AK5: variants seen among roughly 807,000 people sequenced by gnomAD.
AK5 encodes the protein adenylate kinase 5.
In AK5, 27 loss-of-function variants were observed where a neutral mutation model predicts 69.5. The ratio of observed to expected loss-of-function variants is 0.39; its 90% CI spans 0.29 to 0.54. The LOEUF (loss-of-function observed/expected upper bound fraction) is 0.54, where lower values mean the gene tolerates loss of function less well. Among genes scored for constraint, AK5 ranks in the 20% least tolerant of loss-of-function variants. AK5 has a pLI of 0.71. For synonymous variants in AK5, 260 were observed against 244.4 expected (o/e 1.06, Z -0.60); for missense variants, 531 against 700.4 (o/e 0.76, Z 2.73).
intron 5 of AK5, among the ~76,000 whole-genome samples, chr1:77,326,880 T>G (rs886723566): frequency 2.6e-5 from 4 of 152,214 alleles, no homozygotes; most frequent in African/African-American, 9.6e-5. Context: ...TTAATTGCTA[T>G]GCAGATTAAA....
At chr1:77,476,628 A>G (rs1281713169) in intron 8 of AK5, among the ~76,000 whole-genome samples, 2 of 152,126 alleles carry the variant, frequency 1.3e-5, no homozygotes, top group Non-Finnish European at 2.9e-5. Context: ...CTTATGTATC[A>G]TCTCACGCCA....
At chr1:77,550,584 A>T (rs1021035751) in intron 13 of AK5, among the ~76,000 whole-genome samples, 1 of 152,246 alleles carries the variant, frequency 6.6e-6, no homozygotes. Flanking sequence ...CAGCACCCTT[A>T]TAAGCTAACT....
intron 8 of AK5, among the ~76,000 whole-genome samples, chr1:77,443,902 T>C (rs1498409): frequency 0.017 from 2,600 of 151,934 alleles, 59 homozygotes; most frequent in African/African-American, 0.052. Flanking sequence ...TTGACACATA[T>C]GTCATCTCAC....
intron 6 of AK5, among the ~76,000 whole-genome samples, chr1:77,342,922 T>C (rs1661730338): frequency 1.3e-5 from 2 of 151,998 alleles, no homozygotes; most frequent in African/African-American, 4.8e-5. Flanking sequence ...GATACTCTGC[T>C]AGGGGACAGG....
In AK5 at chr1:77,379,776, T is replaced by A. The variant is rs1647497203; in HGVS notation, c.892-31205T>A. On this transcript the variant is annotated intron_variant, in intron 6 of 13. Coordinates refer to ENST00000354567, the MANE Select transcript of AK5 (RefSeq NM_174858.3). ...CTTCATTACTGCTGTTTGATCTCCA[T>A]GCTTTCATTGCATGGTAATTTTTCT... is the stretch of plus-strand genomic sequence containing the variant. Among the ~76,000 whole-genome samples, 3 of 152,222 alleles carry A rather than the reference T, an allele frequency of 2.0e-5. 1 individual carries two copies. In the South Asian group the frequency reaches 6.2e-4, roughly 32 times the overall value.
intron 5 of AK5, among the ~76,000 whole-genome samples, chr1:77,310,627 C>T (rs577798591): frequency 2.0e-5 from 3 of 152,142 alleles, no homozygotes; most frequent in Non-Finnish European, 4.4e-5. Context: ...GTGATCCACC[C>T]GCCTCGGCCT....
intron 8 of AK5, among the ~76,000 whole-genome samples, chr1:77,475,800 C>T (rs527789429): frequency 6.6e-6 from 1 of 151,992 alleles, no homozygotes; most frequent in African/African-American, 2.4e-5. Context: ...AAAATGGGAA[C>T]TTTGCCCCTT....
At chr1:77,314,510 AT>A (rs1239318376) in intron 5 of AK5, 1 of 152,736 alleles carries the variant, frequency 6.5e-6, no homozygotes, top group African/African-American at 2.4e-5. Flanking sequence ...ATGTAGCTTA[AT>A]TTTTTAATTG....
intron 6 of AK5, among the ~76,000 whole-genome samples, chr1:77,364,833 G>A (rs1456163922): frequency 6.6e-6 from 1 of 152,110 alleles, no homozygotes; most frequent in Non-Finnish European, 1.5e-5. Flanking sequence ...ATAAACATGG[G>A]GGTACAGCTG....
At chr1:77,343,925 A>G (rs1450320858) in intron 6 of AK5, among the ~76,000 whole-genome samples, 7 of 152,338 alleles carry the variant, frequency 4.6e-5, no homozygotes, top group Middle Eastern at 3.4e-3. Flanking sequence ...ATCCAAAATG[A>G]ATAGGTTGTA....
intron 12 of AK5, among the ~76,000 whole-genome samples, chr1:77,529,108 AGAATAAC>A (rs1304440130): frequency 1.2e-5 from 1 of 86,946 alleles, no homozygotes; most frequent in African/African-American, 2.8e-5. Context: ...TATAAAACAA[AGAATAAC>A]TAACCACCCA....
chr1:77,407,701 G>A (rs1649751439), intron 6 of AK5, among the ~76,000 whole-genome samples: 2 of 152,076 alleles, frequency 1.3e-5, no homozygotes, highest in African/African-American at 4.8e-5. Context: ...ATGCTGCTGA[G>A]GTTTAGAGTA....
At chr1:77,314,778 T>A (rs1345303717) in intron 5 of AK5, 5 of 152,178 alleles carry the variant, frequency 3.3e-5, no homozygotes, top group Admixed American at 3.3e-4. Flanking sequence ...AGGTACTGTT[T>A]AATTCTAGCA....
At chr1:77,416,318 T>C (rs1650423458) in intron 7 of AK5, among the ~76,000 whole-genome samples, 1 of 152,176 alleles carries the variant, frequency 6.6e-6, no homozygotes, top group Non-Finnish European at 1.5e-5. Flanking sequence ...CTAGCAGCCA[T>C]CTTATGAACA....
chr1:77,548,037 AT>A (rs1034885419), intron 13 of AK5, among the ~76,000 whole-genome samples: 2 of 152,056 alleles, frequency 1.3e-5, no homozygotes, highest in African/African-American at 4.8e-5. Flanking sequence ...AGAAAGGATG[AT>A]TTTTTTTCAT....
At chr1:77,414,213 T>C (rs1057428930) in intron 7 of AK5, among the ~76,000 whole-genome samples, 11 of 151,946 alleles carry the variant, frequency 7.2e-5, no homozygotes, top group African/African-American at 2.7e-4. Context: ...CCCTTACAGG[T>C]TTAATTTTCG....
At chr1:77,296,503 T>C (rs973876622) in intron 3 of AK5, among the ~76,000 whole-genome samples, 1 of 152,000 alleles carries the variant, frequency 6.6e-6, no homozygotes, top group Non-Finnish European at 1.5e-5. Context: ...TGACAAAAAA[T>C]TTTTTTTCTT....
At chr1:77,511,914 A>G (rs1350323210) in intron 10 of AK5, among the ~76,000 whole-genome samples, 1 of 152,174 alleles carries the variant, frequency 6.6e-6, no homozygotes, top group African/African-American at 2.4e-5. Context: ...ACAAGTTGAG[A>G]AGTGAGGTCA....
intron 5 of AK5, among the ~76,000 whole-genome samples, chr1:77,318,290 A>C (rs888526444): frequency 1.3e-5 from 2 of 152,096 alleles, no homozygotes; most frequent in African/African-American, 4.8e-5. Context: ...ACACACTTGT[A>C]AACAACTAGA....
Sources: gnomAD v4.1 joint callset for allele counts (sites outside exome capture counted in the v4.1 genomes callset) on GRCh38, gnomAD v4.1.1 for gene constraint, MANE v1.5 for transcripts, NCBI Gene and HGNC (gene_info 2026-07-23, HGNC 2026-07-21) for gene names.